ATG101: variants seen among roughly 807,000 people sequenced by gnomAD.
ATG101 encodes autophagy related 101.
ATG101 carries 6 observed loss-of-function variants against 16.7 expected under a neutral mutation model. The ratio of observed to expected loss-of-function variants is 0.36; its 90% CI spans 0.20 to 0.71. The LOEUF is 0.71. ATG101 is among the 30% of genes least tolerant of loss of function. ATG101 has a pLI of 0.57. For synonymous variants in ATG101, 108 were observed against 118.1 expected (o/e 0.91, Z 0.56); for missense variants, 200 against 292.5 (o/e 0.68, Z 2.31).
rs1244233163 is a variant in ATG101, at chr12:52,077,400, C to G, written c.*210C>G. The G allele has an allele frequency of 3.3e-6, 2 of 610,918 alleles. No individual in the cohort carries two copies. Among genetic ancestry groups the G allele is most frequent in the Non-Finnish European group, 5.7e-6 (2 of 352,542 alleles). 37.8% of individuals were successfully genotyped at this position (610,918 alleles called of 1,614,324 possible). A position where few individuals can be genotyped will look rare whatever the true frequency, so the allele number is the denominator to read the frequency against. On this transcript the variant is annotated 3_prime_UTR_variant, in exon 4 of 4. Coordinates refer to ENST00000336854, the MANE Select transcript of ATG101 (RefSeq NM_021934.5). Reference sequence around the variant, plus strand: ...CGGTTCAGTCCTGCCTCTACTGTCTCTCCATAGCCCTGGTGGGGTCCCCCT... The same window carrying G: ...CGGTTCAGTCCTGCCTCTACTGTCTGTCCATAGCCCTGGTGGGGTCCCCCT...
upstream of ATG101, chr12:52,069,904 C>A (rs991559137): frequency 1.3e-5 from 2 of 152,264 alleles, no homozygotes; most frequent in Non-Finnish European, 2.9e-5. Flanking sequence ...GGGGGCCCGG[C>A]GAGCTGGGCA....
chr12:52,066,673 T>C (rs1186741086), upstream of ATG101, among the ~76,000 whole-genome samples: 4 of 151,976 alleles, frequency 2.6e-5, no homozygotes, highest in African/African-American at 9.7e-5. Flanking sequence ...TGAAAGGTAG[T>C]TGGAAAAATC....
At chr12:52,067,166 G>A (rs1413361336), upstream of ATG101, among the ~76,000 whole-genome samples, 3 of 152,302 alleles carry the variant, frequency 2.0e-5, no homozygotes, top group South Asian at 2.1e-4. Context: ...GCCAGGTTTC[G>A]AAGAACTGAA....
chr12:52,075,039 AT>A (rs201927219), intron 3 of ATG101, among the ~76,000 whole-genome samples: 5,265 of 152,260 alleles, frequency 0.035, 105 homozygotes, highest in South Asian at 0.074. Context: ...CTGGTCTTGA[AT>A]TACTGGCATG....
At chr12:52,065,739 G>C (rs1262852003), upstream of ATG101, among the ~76,000 whole-genome samples, 1 of 152,212 alleles carries the variant, frequency 6.6e-6, no homozygotes. Context: ...CTGGTGGAAG[G>C]AGGAAAGAGC....
At position 52,077,448 on chromosome 12, in the gene ATG101, G is replaced by A; in HGVS notation, c.*258G>A. ...CCTTCTTTCTCCACTGTACAGAAGA[G>A]CCACCACTGGGATGGGGAATAAAGT... On this transcript the variant is annotated 3_prime_UTR_variant, in exon 4 of 4. Transcript: ENST00000336854. 2.0e-6 allele frequency: 1 copy of A among 495,378 alleles called. No homozygotes were observed. The highest frequency in any genetic ancestry group is 3.6e-6 in the Non-Finnish European group (1 of 277,908). The allele number at this position is 495,378 out of a possible 1,614,324, so 30.7% of individuals were successfully genotyped here.
chr12:52,075,493 A>G (rs576098783), intron 3 of ATG101, among the ~76,000 whole-genome samples: 1 of 152,282 alleles, frequency 6.6e-6, no homozygotes, highest in Non-Finnish European at 1.5e-5. Context: ...CCTGGCACAC[A>G]GTAAACATTA....
At chr12:52,065,549 A>C (rs936819948), upstream of ATG101, among the ~76,000 whole-genome samples, 2 of 152,134 alleles carry the variant, frequency 1.3e-5, no homozygotes, top group African/African-American at 4.8e-5. Context: ...AGGGGCTGAG[A>C]CCCAGGGTTG....
chr12:52,071,892 A>G (rs1235831375), intron 2 of ATG101, among the ~76,000 whole-genome samples: 2 of 152,208 alleles, frequency 1.3e-5, no homozygotes, highest in Non-Finnish European at 2.9e-5. Context: ...GTGAATTCCC[A>G]GTCAGGGGAG....
chr12:52,065,945 T>C (rs1939545400), upstream of ATG101, among the ~76,000 whole-genome samples: 1 of 152,194 alleles, frequency 6.6e-6, no homozygotes, highest in Non-Finnish European at 1.5e-5. Context: ...TGGCGAGATC[T>C]CAGCTCACCA....
chr12:52,074,334 G>T (rs1005100444), intron 3 of ATG101, among the ~76,000 whole-genome samples: 1 of 152,174 alleles, frequency 6.6e-6, no homozygotes, highest in South Asian at 2.1e-4. Context: ...CCTTTTGGTG[G>T]TGTGGCATTG....
upstream of ATG101, among the ~76,000 whole-genome samples, chr12:52,068,196 G>A (rs893508663): frequency 8.0e-5 from 12 of 149,598 alleles, no homozygotes; most frequent in Non-Finnish European, 1.3e-4. Context: ...ACAGGTGCCT[G>A]ACACCACACC....
chr12:52,077,293 G>A lies in ATG101; in HGVS notation c.*103G>A. The A allele has an allele frequency of 1.5e-6, 2 of 1,344,576 alleles. No homozygotes were observed. The highest frequency in any genetic ancestry group is 2.0e-6 in the Non-Finnish European group (2 of 989,606). The allele number at this position is 1,344,576 out of a possible 1,614,324, so 83.3% of individuals were successfully genotyped here. A position where few individuals can be genotyped will look rare whatever the true frequency, so the allele number is the denominator to read the frequency against. The stretch of plus-strand genomic sequence containing the variant: ...CTCTGGAACCTGCTCTGGGTCATTG[G>A]TGAGACTTGGAAGGGGCAGCCCCCG... On this transcript the variant is annotated 3_prime_UTR_variant, in exon 4 of 4. Transcript: ENST00000336854.
At chr12:52,067,682 G>A (rs773912783), upstream of ATG101, among the ~76,000 whole-genome samples, 3 of 151,386 alleles carry the variant, frequency 2.0e-5, no homozygotes, top group African/African-American at 4.9e-5. Context: ...CTGCCTCCCC[G>A]GTTCAAGCGA....
At chr12:52,074,042 A>G in intron 3 of ATG101, 140 bp downstream of exon 3, 1 of 1,298,910 alleles carries the variant, frequency 7.7e-7, no homozygotes, top group East Asian at 2.4e-5. Context: ...AGGTTCTGAG[A>G]AACAGATGTG....
chr12:52,067,165 C>T (rs530174902), upstream of ATG101, among the ~76,000 whole-genome samples: 1 of 152,084 alleles, frequency 6.6e-6, no homozygotes, highest in Non-Finnish European at 1.5e-5. Context: ...AGCCAGGTTT[C>T]GAAGAACTGA....
chr12:52,074,531 T>G (rs1396216931), intron 3 of ATG101, among the ~76,000 whole-genome samples: 1 of 152,042 alleles, frequency 6.6e-6, no homozygotes, highest in Non-Finnish European at 1.5e-5. Flanking sequence ...TTCTTCCTTT[T>G]TTTTTTTTGA....
intron 3 of ATG101, 135 bp downstream of exon 3, chr12:52,074,037 C>A: frequency 1.5e-6 from 2 of 1,317,362 alleles, no homozygotes; most frequent in African/African-American, 1.5e-5. Flanking sequence ...CTTTCAGGTT[C>A]TGAGAAACAG....
upstream of ATG101, among the ~76,000 whole-genome samples, chr12:52,066,856 G>A (rs1006159569): frequency 1.3e-5 from 2 of 152,144 alleles, no homozygotes; most frequent in Non-Finnish European, 2.9e-5. Flanking sequence ...GGCAGTCTCT[G>A]GGGATGGGCT....
Sources: gnomAD v4.1 joint callset for allele counts (sites outside exome capture counted in the v4.1 genomes callset) on GRCh38, gnomAD v4.1.1 for gene constraint, MANE v1.5 for transcripts, NCBI Gene and HGNC (gene_info 2026-07-23, HGNC 2026-07-21) for gene names.